The following TMEM52B variants were observed in gnomAD, a reference collection of about 807,000 sequenced individuals.
The protein encoded by TMEM52B is chromosome 12 open reading frame 59.
In TMEM52B, 11 loss-of-function variants were observed where a neutral mutation model predicts 16.1. The ratio of observed to expected loss-of-function variants is 0.68; its 90% CI spans 0.43 to 1.13. The LOEUF is 1.13. Among genes scored for constraint, TMEM52B ranks in the 50% most tolerant of loss-of-function variants. The probability of loss-of-function intolerance (pLI) is 0.00; values close to 1 mark genes in which losing one functional copy is unlikely to be tolerated. For synonymous variants in TMEM52B, 101 were observed against 93.8 expected (o/e 1.08, Z -0.45); for missense variants, 243 against 230.4 (o/e 1.05, Z -0.35).
At chr12:10,174,718 C>G (rs1948753360), upstream of TMEM52B, among the ~76,000 whole-genome samples, 1 of 152,228 alleles carries the variant, frequency 6.6e-6, no homozygotes, top group South Asian at 2.1e-4. Flanking sequence ...TCTTTCTCTG[C>G]ACAGACCTAA....
chr12:10,188,297 T>TA (rs1414911297), intron 4 of TMEM52B, among the ~76,000 whole-genome samples: 2 of 150,940 alleles, frequency 1.3e-5, no homozygotes, highest in Non-Finnish European at 3.0e-5. Context: ...CCGTCCCTAT[T>TA]AACGTACAAA....
At position 10,189,999 on chromosome 12, in the gene TMEM52B, G is replaced by T. The variant is rs190704935; in HGVS notation, c.411G>T (p.Gly137=). Residue 137 remains glycine (G), a synonymous_variant, in exon 5 of 5, where the codon GGG becomes GGT. Coordinates refer to ENST00000543484, the MANE Select transcript of TMEM52B (RefSeq NM_001384896.1). ...QLPSSLDTLP[G]YEEALHMSRF... is the part of the protein sequence containing the mutation. Reference sequence around the variant, plus strand: ...CCTCCTCTTTGGACACCCTCCCAGGGTATGAAGAAGCTCTTCACATGAGTC... The same window carrying T: ...CCTCCTCTTTGGACACCCTCCCAGGTTATGAAGAAGCTCTTCACATGAGTC... 28 of 1,614,134 alleles carry T rather than the reference G, an allele frequency of 1.7e-5. No homozygotes were observed. The East Asian group carries it at 6.2e-4, about 36-fold the overall frequency.
chr12:10,176,349 G>A (rs1314239718), upstream of TMEM52B, among the ~76,000 whole-genome samples: 1 of 152,104 alleles, frequency 6.6e-6, no homozygotes, highest in African/African-American at 2.4e-5. Context: ...AGAAAGGAAA[G>A]TCACAAGGAG....
intron 1 of TMEM52B, chr12:10,172,483 T>C (rs1948731721): frequency 6.2e-6 from 1 of 160,494 alleles, no homozygotes; most frequent in Non-Finnish European, 1.4e-5. Context: ...TTCCAATGTT[T>C]GTTTGCTAAT....
chr12:10,174,225 T>G (rs1284472742), upstream of TMEM52B, among the ~76,000 whole-genome samples: 1 of 152,060 alleles, frequency 6.6e-6, no homozygotes, highest in Admixed American at 6.6e-5. Flanking sequence ...CCCTCCCGGC[T>G]AATTGTTTTG....
intron 1 of TMEM52B, among the ~76,000 whole-genome samples, chr12:10,180,282 T>G (rs1428151746): frequency 3.3e-5 from 5 of 151,834 alleles, no homozygotes; most frequent in African/African-American, 1.2e-4. Flanking sequence ...TTTGTTTTTT[T>G]TTTTTTTTTG....
chr12:10,184,340 G>A (rs768261608), intron 2 of TMEM52B, among the ~76,000 whole-genome samples: 3 of 152,150 alleles, frequency 2.0e-5, no homozygotes, highest in African/African-American at 7.2e-5. Context: ...ACAAATTAAC[G>A]CAACCTCAAG....
At chr12:10,189,699 C>T (rs890127019) in intron 4 of TMEM52B, among the ~76,000 whole-genome samples, 197 bp from the exon 5 acceptor site, 9 of 149,392 alleles carry the variant, frequency 6.0e-5, no homozygotes, top group South Asian at 4.2e-4. Context: ...CCAGAGAAAA[C>T]AGGTCCTTCT....
Position 10,179,161 on chromosome 12 carries a change from C to T in TMEM52B, c.-414C>T, listed in dbSNP as rs1385106594. 5.7e-6 allele frequency: 1 copy of T among 176,708 alleles called. No individual in the cohort carries two copies. Among genetic ancestry groups the T allele is most frequent in the African/African-American group, 2.4e-5 (1 of 42,390 alleles). 10.9% of individuals were successfully genotyped at this position (176,708 alleles called of 1,614,324 possible). ...CACCAGCAATCTGCCTTTGACCATC[C>T]TCAAAGCCAAGTTTTTCATCGCTGT... On this transcript the variant is annotated 5_prime_UTR_variant, in exon 1 of 5. Coordinates refer to ENST00000543484, the MANE Select transcript of TMEM52B (RefSeq NM_001384896.1).
chr12:10,182,181 C>A, intron 1 of TMEM52B: 1 of 985,098 alleles, frequency 1.0e-6, no homozygotes. Context: ...AAAAAAAGAG[C>A]AGTGGTGTAG....
At chr12:10,184,352 G>A (rs777027044) in intron 2 of TMEM52B, among the ~76,000 whole-genome samples, 1 of 152,224 alleles carries the variant, frequency 6.6e-6, no homozygotes, top group Admixed American at 6.5e-5. Flanking sequence ...AACCTCAAGA[G>A]GGAGTCAGGG....
chr12:10,178,348 C>T (rs1196133077), upstream of TMEM52B, among the ~76,000 whole-genome samples: 2 of 151,684 alleles, frequency 1.3e-5, no homozygotes, highest in South Asian at 2.1e-4. Context: ...AACCCCGTCT[C>T]GTCTCTACTA....
In TMEM52B at chr12:10,190,112, C is replaced by G; in HGVS notation, c.524C>G (p.Ser175Trp). Residue 175 changes from serine (S) to tryptophan (W), a missense_variant, in exon 5 of 5, where the codon TCG (serine) becomes TGG (tryptophan). Physicochemically the swap from Ser to Trp is radical, Grantham distance 177. Transcript: ENST00000543484. ...CAGCTGCCTCCAACAGAGAAGGAGT[C>G]GACTCGAATAGTTGACTCTTGGAAC... is the stretch of plus-strand genomic sequence containing the variant. ...EKQLPPTEKE[S>W]TRIVDSWN 6.2e-7 allele frequency: 1 copy of G among 1,614,040 alleles called. No homozygotes were observed. The highest frequency in any genetic ancestry group is 2.2e-5 in the East Asian group (1 of 44,876).
chr12:10,184,048 G>C (rs142545759), intron 2 of TMEM52B, among the ~76,000 whole-genome samples: 12 of 152,292 alleles, frequency 7.9e-5, no homozygotes, highest in Non-Finnish European at 1.3e-4. Flanking sequence ...GGAAAGTAGA[G>C]GGGCTGAAGT....
At position 10,186,556 on chromosome 12, in the gene TMEM52B, G is replaced by A. The variant is rs1203227501; in HGVS notation, c.274G>A (p.Asp92Asn). 8 of 1,607,654 alleles carry A rather than the reference G, an allele frequency of 5.0e-6. No individual in the cohort carries two copies. Among genetic ancestry groups the A allele is most frequent in the African/African-American group, 2.7e-5 (2 of 74,882 alleles). Reference sequence around the variant, plus strand: ...CTGTGAAGTGACCGTCATTGCTTTCGATCACGACAGCACTCTCCAGAGCAC... The same window carrying A: ...CTGTGAAGTGACCGTCATTGCTTTCAATCACGACAGCACTCTCCAGAGCAC... The part of the protein sequence containing the change: ...PPCEVTVIAF[D>N]HDSTLQSTIT... Residue 92 changes from aspartate (D) to asparagine (N), a missense_variant, in exon 4 of 5, where the codon GAT (aspartate) becomes AAT (asparagine). By Grantham distance (23) the Asp-to-Asn change is conservative (BLOSUM62 1). Coordinates refer to ENST00000543484, the MANE Select transcript of TMEM52B (RefSeq NM_001384896.1).
intron 2 of TMEM52B, among the ~76,000 whole-genome samples, chr12:10,184,583 C>G (rs543478105): frequency 1.4e-3 from 210 of 152,178 alleles, no homozygotes; most frequent in African/African-American, 4.9e-3. Flanking sequence ...TCCTCACCCA[C>G]CCACATCTGG....
At chr12:10,185,177 TCAA>T (rs1327166727) in intron 2 of TMEM52B, among the ~76,000 whole-genome samples, 150 bp from the exon 3 acceptor site, 1 of 152,228 alleles carries the variant, frequency 6.6e-6, no homozygotes, top group African/African-American at 2.4e-5. Flanking sequence ...GGCAAAAGAT[TCAA>T]CTAGCTACAG....
intron 3 of TMEM52B, 90 bp from the exon 4 acceptor site, chr12:10,186,330 A>T: frequency 1.0e-6 from 1 of 975,456 alleles, no homozygotes; most frequent in Admixed American, 3.3e-5. Flanking sequence ...TTAGACAAGA[A>T]TCAAAACACA....
chr12:10,190,272 C>A lies in TMEM52B; in HGVS notation c.*132C>A. 8.3e-7 allele frequency: 1 copy of A among 1,209,620 alleles called. No homozygotes were observed. Among genetic ancestry groups the A allele is most frequent in the Non-Finnish European group, 1.2e-6 (1 of 867,616 alleles). 74.9% of individuals were successfully genotyped at this position (1,209,620 alleles called of 1,614,324 possible). On this transcript the variant is annotated 3_prime_UTR_variant, in exon 5 of 5. Transcript: ENST00000543484. Reference sequence around the variant, plus strand: ...CCATCATTCTATGGGAAAGATGGTTCTTACTCTTCGTTCACAGGCCTTTAT... The same window carrying A: ...CCATCATTCTATGGGAAAGATGGTTATTACTCTTCGTTCACAGGCCTTTAT...
Sources: allele counts gnomAD v4.1 joint callset (sites outside exome capture counted in the v4.1 genomes callset), GRCh38; gene constraint gnomAD v4.1.1; transcripts MANE v1.5; gene names NCBI Gene and HGNC (gene_info 2026-07-23, HGNC 2026-07-21).